Variants in KCNH7 observed in about 807,000 individuals in gnomAD.
KCNH7 encodes voltage-gated inwardly rectifying potassium channel KCNH7.
In KCNH7, 49 loss-of-function variants were observed where a neutral mutation model predicts 120.8. The ratio of observed to expected loss-of-function variants is 0.41; its 90% CI spans 0.32 to 0.51. The LOEUF is 0.51. KCNH7 is among the 20% of genes least tolerant of loss of function. The pLI is 0.38. For synonymous variants in KCNH7, 547 were observed against 516.1 expected (o/e 1.06, Z -0.81); for missense variants, 1,097 against 1,446.6 (o/e 0.76, Z 3.92).
intron 2 of KCNH7, among the ~76,000 whole-genome samples, chr2:162,706,105 TTACACAA>T (rs1686692501): frequency 6.6e-6 from 1 of 152,062 alleles, no homozygotes; most frequent in Non-Finnish European, 1.5e-5. Flanking sequence ...TTGTGCTCCA[TTACACAA>T]AGACAGGAGG....
chr2:162,749,545 A>T (rs1235961201), intron 2 of KCNH7, among the ~76,000 whole-genome samples: 2 of 152,206 alleles, frequency 1.3e-5, no homozygotes, highest in African/African-American at 4.8e-5. Flanking sequence ...AACATTCAGC[A>T]GACTAAGGGG....
chr2:162,410,510 A>G (rs1687359065), intron 9 of KCNH7, among the ~76,000 whole-genome samples: 1 of 151,824 alleles, frequency 6.6e-6, no homozygotes, highest in Non-Finnish European at 1.5e-5. Context: ...ATTCCAGGCC[A>G]TATCATTACC....
At chr2:162,478,333 G>A (rs1186448248) in intron 6 of KCNH7, among the ~76,000 whole-genome samples, 1 of 152,160 alleles carries the variant, frequency 6.6e-6, no homozygotes. Flanking sequence ...AGGTGGAAGT[G>A]GGCGAGCAGA....
intron 2 of KCNH7, among the ~76,000 whole-genome samples, chr2:162,695,236 C>A (rs1686249599): frequency 6.6e-6 from 1 of 152,052 alleles, no homozygotes; most frequent in Non-Finnish European, 1.5e-5. Flanking sequence ...GTTGGGTTAT[C>A]TATGTTAAGT....
At chr2:162,566,989 T>C (rs1693278084) in intron 2 of KCNH7, among the ~76,000 whole-genome samples, 1 of 152,000 alleles carries the variant, frequency 6.6e-6, no homozygotes, top group African/African-American at 2.4e-5. Context: ...AACAGTGCAA[T>C]TTTTCACTGA....
intron 2 of KCNH7, among the ~76,000 whole-genome samples, chr2:162,713,246 A>G (rs1330403017): frequency 2.0e-5 from 3 of 152,196 alleles, no homozygotes; most frequent in Non-Finnish European, 4.4e-5. Context: ...TTATTTCACC[A>G]GTTGAGACAG....
chr2:162,445,834 G>T (rs1688558875), intron 7 of KCNH7, among the ~76,000 whole-genome samples, 184 bp downstream of exon 7: 1 of 152,184 alleles, frequency 6.6e-6, no homozygotes, highest in South Asian at 2.1e-4. Flanking sequence ...TTAGCAAAAA[G>T]AGAAAGAATT....
At chr2:162,452,854 A>G (rs909026875) in intron 6 of KCNH7, among the ~76,000 whole-genome samples, 1 of 152,032 alleles carries the variant, frequency 6.6e-6, no homozygotes, top group Non-Finnish European at 1.5e-5. Context: ...TTTAATAAAT[A>G]TTTGCATTAC....
At chr2:162,395,310 T>C (rs532821762) in intron 11 of KCNH7, among the ~76,000 whole-genome samples, 1 of 151,906 alleles carries the variant, frequency 6.6e-6, no homozygotes, top group South Asian at 2.1e-4. Context: ...AAGAAAAATG[T>C]GTAAAATAGT....
intron 5 of KCNH7, among the ~76,000 whole-genome samples, chr2:162,510,976 G>A (rs1691052773): frequency 6.6e-6 from 1 of 151,744 alleles, no homozygotes; most frequent in African/African-American, 2.4e-5. Flanking sequence ...GTATTAATAT[G>A]TGAAAACTTT....
intron 2 of KCNH7, among the ~76,000 whole-genome samples, chr2:162,623,712 C>T (rs1400826772): frequency 6.6e-6 from 1 of 152,136 alleles, no homozygotes; most frequent in Non-Finnish European, 1.5e-5. Flanking sequence ...ACAATACTAC[C>T]TTACGTACCT....
At chr2:162,799,137 A>G (rs1283390740) in intron 2 of KCNH7, among the ~76,000 whole-genome samples, 8 of 152,112 alleles carry the variant, frequency 5.3e-5, no homozygotes, top group Admixed American at 6.6e-5. Context: ...TATTTTTTTA[A>G]GTAGTAGGCA....
At chr2:162,501,169 C>A (rs1475447693) in intron 6 of KCNH7, among the ~76,000 whole-genome samples, 1 of 151,974 alleles carries the variant, frequency 6.6e-6, no homozygotes, top group African/African-American at 2.4e-5. Context: ...CCTACTGATG[C>A]CTTTTTTCCC....
intron 6 of KCNH7, among the ~76,000 whole-genome samples, chr2:162,459,151 A>C (rs1428807201): frequency 2.6e-5 from 4 of 151,762 alleles, no homozygotes; most frequent in Admixed American, 6.6e-5. Context: ...TTTCCAAAAG[A>C]GTACAAGAAG....
chr2:162,782,375 G>A (rs1221539612), intron 2 of KCNH7, among the ~76,000 whole-genome samples: 5 of 152,166 alleles, frequency 3.3e-5, no homozygotes, highest in South Asian at 2.1e-4. Context: ...CTGAGAAGTC[G>A]ACATTTGAAG....
At chr2:162,698,854 T>C (rs1486481479) in intron 2 of KCNH7, among the ~76,000 whole-genome samples, 1 of 152,158 alleles carries the variant, frequency 6.6e-6, no homozygotes, top group Non-Finnish European at 1.5e-5. Context: ...GTTATTATTT[T>C]CTCAAGTTTA....
At chr2:162,514,710 CT>C (rs1361009829) in intron 4 of KCNH7, among the ~76,000 whole-genome samples, 2 of 151,602 alleles carry the variant, frequency 1.3e-5, no homozygotes, top group African/African-American at 4.8e-5. Flanking sequence ...TTTTTATTGG[CT>C]TCACAAATGT....
intron 2 of KCNH7, among the ~76,000 whole-genome samples, chr2:162,824,764 CATG>C (rs1170963587): frequency 6.6e-6 from 1 of 152,006 alleles, no homozygotes; most frequent in African/African-American, 2.4e-5. Flanking sequence ...ACTTCTGTTA[CATG>C]ATATCCTAGA....
chr2:162,824,755 C>G (rs1356005537), intron 2 of KCNH7, among the ~76,000 whole-genome samples: 2 of 151,968 alleles, frequency 1.3e-5, no homozygotes, highest in Non-Finnish European at 2.9e-5. Context: ...GTGAATTTCA[C>G]TTCTGTTACA....
Sources: gnomAD v4.1 joint callset for allele counts (sites outside exome capture counted in the v4.1 genomes callset) on GRCh38, gnomAD v4.1.1 for gene constraint, MANE v1.5 for transcripts, NCBI Gene and HGNC (gene_info 2026-07-23, HGNC 2026-07-21) for gene names.